LARGE1: variants seen among roughly 807,000 people sequenced by gnomAD.
LARGE1 encodes LARGE xylosyl- and glucuronyltransferase 1.
LARGE1 carries 43 observed loss-of-function variants against 87.6 expected under a neutral mutation model. The ratio of observed to expected loss-of-function variants is 0.49; its 90% CI spans 0.38 to 0.63. The LOEUF (loss-of-function observed/expected upper bound fraction) is 0.63, where lower values mean the gene tolerates loss of function less well. LARGE1 is among the 30% of genes least tolerant of loss of function. LARGE1 has a pLI of 0.00. For missense variants in LARGE1, 802 were observed against 1,000.2 expected, an observed-to-expected ratio of 0.80 and a Z score of 2.67; for synonymous variants, 434 against 394.6, an observed-to-expected ratio of 1.10 and a Z score of -1.18.
chr22:33,761,774 T>TCA (rs144502131), intron 1 of LARGE1, among the ~76,000 whole-genome samples: 17 of 151,910 alleles, frequency 1.1e-4, no homozygotes, highest in Middle Eastern at 6.8e-3. Flanking sequence ...GCTCGCTCTC[T>TCA]CACACACACA....
At chr22:33,602,616 G>A (rs73396688) in intron 5 of LARGE1, among the ~76,000 whole-genome samples, 6,763 of 151,798 alleles carry the variant, frequency 0.045, 349 homozygotes, top group African/African-American at 0.12. Context: ...TGATCCCCCT[G>A]CCCTCAGCCT....
intron 4 of LARGE1, among the ~76,000 whole-genome samples, chr22:33,608,604 C>A (rs1193645550): frequency 6.6e-6 from 1 of 152,194 alleles, no homozygotes. Flanking sequence ...CAGCAAAGAA[C>A]CTGGTGAATC....
At chr22:33,729,232 AAAGGAATTGGG>A (rs2083378602) in intron 2 of LARGE1, among the ~76,000 whole-genome samples, 1 of 152,222 alleles carries the variant, frequency 6.6e-6, no homozygotes, top group South Asian at 2.1e-4. Context: ...TGCAATGGGG[AAAGGAATTGGG>A]AAGGAAATAA....
At chr22:33,678,734 C>T (rs954936967) in intron 2 of LARGE1, among the ~76,000 whole-genome samples, 4 of 152,188 alleles carry the variant, frequency 2.6e-5, no homozygotes, top group East Asian at 1.9e-4. Context: ...ACACCCTCCA[C>T]GAATGAGAGC....
intron 7 of LARGE1, among the ~76,000 whole-genome samples, chr22:33,414,911 T>C (rs908338490): frequency 6.6e-6 from 1 of 152,236 alleles, no homozygotes; most frequent in African/African-American, 2.4e-5. Flanking sequence ...ACACCAAATC[T>C]ACCTTGATCT....
chr22:33,177,117 C>T (rs1258681812), intron 11 of LARGE1, among the ~76,000 whole-genome samples: 11 of 152,000 alleles, frequency 7.2e-5, no homozygotes, highest in South Asian at 2.1e-4. Context: ...TGAGAACACA[C>T]GGACACAGGG....
intron 6 of LARGE1, among the ~76,000 whole-genome samples, chr22:33,454,635 AG>A (rs1330243024): frequency 0.028 from 3,995 of 144,798 alleles, 166 homozygotes; most frequent in African/African-American, 0.089. Context: ...AAAAAAAAAA[AG>A]AAGAAGAAGA....
chr22:33,257,952 T>G (rs923411212), intron 11 of LARGE1, among the ~76,000 whole-genome samples: 2 of 150,618 alleles, frequency 1.3e-5, no homozygotes, highest in African/African-American at 2.4e-5. Flanking sequence ...CAGTGACCCA[T>G]GTTAGGAAGG....
intron 1 of LARGE1, among the ~76,000 whole-genome samples, chr22:33,881,883 C>T (rs1036285528): frequency 6.6e-6 from 1 of 152,214 alleles, no homozygotes; most frequent in African/African-American, 2.4e-5. Flanking sequence ...CAGGCTAACA[C>T]TGCAAAGCCC....
intron 11 of LARGE1, among the ~76,000 whole-genome samples, chr22:33,267,303 G>A (rs140585590): frequency 6.6e-6 from 1 of 151,592 alleles, no homozygotes; most frequent in Non-Finnish European, 1.5e-5. Context: ...AGCTACGGAA[G>A]CAACAAATTT....
At chr22:33,607,164 C>T (rs1209154772) in intron 4 of LARGE1, among the ~76,000 whole-genome samples, 2 of 151,918 alleles carry the variant, frequency 1.3e-5, no homozygotes, top group Admixed American at 6.6e-5. Context: ...AATGAGAATC[C>T]GATTAAGACA....
At chr22:33,225,799 A>G (rs757785712) in intron 11 of LARGE1, among the ~76,000 whole-genome samples, 1 of 152,194 alleles carries the variant, frequency 6.6e-6, no homozygotes, top group Non-Finnish European at 1.5e-5. Flanking sequence ...CTTATAAATG[A>G]TAACATGTGG....
chr22:33,280,603 G>A (rs965448603), intron 13 of LARGE1, among the ~76,000 whole-genome samples: 7 of 152,184 alleles, frequency 4.6e-5, no homozygotes, highest in Non-Finnish European at 7.3e-5. Flanking sequence ...CTGGACACTG[G>A]CAGCTTGCAG....
At chr22:33,109,136 C>T in the LARGE1 span, 4 of 152,102 alleles carry the variant, frequency 2.6e-5, no homozygotes, top group African/African-American at 9.7e-5. Context: ...GAGGAGGTCA[C>T]ATTTCAAAGG....
At chr22:33,751,903 G>T (rs1357704523) in intron 2 of LARGE1, among the ~76,000 whole-genome samples, 3 of 151,874 alleles carry the variant, frequency 2.0e-5, no homozygotes, top group African/African-American at 7.3e-5. Context: ...TAGTAGGTGG[G>T]GCTACAAGCA....
chr22:33,507,551 G>A (rs531842240), intron 6 of LARGE1, among the ~76,000 whole-genome samples: 5 of 152,236 alleles, frequency 3.3e-5, no homozygotes, highest in Admixed American at 6.5e-5. Flanking sequence ...AGCTGGGGGA[G>A]GGGAGAATGT....
At position 33,382,108 on chromosome 22, in the gene LARGE1, C is replaced by A. The variant is rs2065179065; in HGVS notation, c.1006-64G>T. On this transcript the variant is annotated intron_variant, in intron 8 of 14. Transcript: ENST00000397394. The stretch of plus-strand genomic sequence containing the variant: ...GATGGTCCAGCTGCCCATTTTGGCT[C>A]TCAAGGCACTGCATCCCCTGTGATA... The A allele has an allele frequency of 1.3e-5, 21 of 1,604,826 alleles. No individual in the cohort carries two copies. The South Asian group carries it at 2.1e-4, about 16-fold the overall frequency.
At chr22:33,426,582 G>A (rs2066887255) in intron 7 of LARGE1, among the ~76,000 whole-genome samples, 1 of 152,166 alleles carries the variant, frequency 6.6e-6, no homozygotes, top group Non-Finnish European at 1.5e-5. Context: ...CAGTTCTTTG[G>A]CAAACTATCA....
At chr22:33,872,980 C>G (rs753128717) in intron 1 of LARGE1, 1 of 149,908 alleles carries the variant, frequency 6.7e-6, no homozygotes, top group African/African-American at 2.5e-5. Context: ...AGCTTGGGTG[C>G]CAAGAGCAAA....
Sources: allele counts gnomAD v4.1 joint callset (sites outside exome capture counted in the v4.1 genomes callset), GRCh38; gene constraint gnomAD v4.1.1; transcripts MANE v1.5; gene names NCBI Gene and HGNC (gene_info 2026-07-23, HGNC 2026-07-21).